Variants in DLG2 observed in about 807,000 individuals in gnomAD.
The protein encoded by DLG2 is disks large homolog 2.
A neutral mutation model predicts 132.5 loss-of-function variants in DLG2; 45 were observed. That is an observed-to-expected ratio of 0.34 (90% CI 0.27 to 0.44). The LOEUF (loss-of-function observed/expected upper bound fraction) is 0.44. Among genes scored for constraint, DLG2 ranks in the 20% least tolerant of loss-of-function variants. The pLI is 1.00. For synonymous variants in DLG2, 424 were observed against 419.6 expected (o/e 1.01, Z -0.13); for missense variants, 1,045 against 1,196.9 (o/e 0.87, Z 1.87).
At chr11:85,389,301 A>G (rs1269722792) in intron 3 of DLG2, among the ~76,000 whole-genome samples, 1 of 152,170 alleles carries the variant, frequency 6.6e-6, no homozygotes, top group African/African-American at 2.4e-5. Flanking sequence ...CAATCCAACA[A>G]CAACAAAGAA....
chr11:84,941,470 T>A (rs896996752), intron 6 of DLG2, among the ~76,000 whole-genome samples: 3 of 152,140 alleles, frequency 2.0e-5, no homozygotes, highest in Non-Finnish European at 2.9e-5. Flanking sequence ...TTTTTCAGCA[T>A]CAATTAAAAG....
intron 6 of DLG2, among the ~76,000 whole-genome samples, chr11:84,833,624 G>GAA (rs994795140): frequency 1.4e-5 from 2 of 146,338 alleles, no homozygotes; most frequent in Admixed American, 6.8e-5. Flanking sequence ...ACAGGGTGAT[G>GAA]AAAAAAAAAA....
intron 4 of DLG2, among the ~76,000 whole-genome samples, chr11:85,236,562 C>G (rs1382919820): frequency 6.6e-6 from 1 of 151,982 alleles, no homozygotes; most frequent in Non-Finnish European, 1.5e-5. Flanking sequence ...GGCCTTATCT[C>G]CAAATACGGT....
intron 3 of DLG2, among the ~76,000 whole-genome samples, chr11:85,366,109 G>A (rs1213928183): frequency 6.6e-6 from 1 of 152,054 alleles, no homozygotes; most frequent in Non-Finnish European, 1.5e-5. Flanking sequence ...GTTGAGGATG[G>A]GGGCAGTCCC....
intron 7 of DLG2, among the ~76,000 whole-genome samples, chr11:84,502,176 T>TTTCCCTCTCTCTCTC (rs1567802291): frequency 7.8e-5 from 2 of 25,582 alleles, no homozygotes; most frequent in Non-Finnish European, 1.8e-4. Context: ...CTCTCTCTCT[T>TTTCCCTCTCTCTCTC]TCTCTCTCTT....
In DLG2 at chr11:83,965,314, T is replaced by C. The variant is rs775260105; in HGVS notation, c.1201+10A>G. On this transcript the variant is annotated intron_variant, in intron 13 of 27. Transcript: ENST00000376104. ...CTGGCATGCTATTTGAAGATGACAA[T>C]GGTACTTACAGTGAGTAATATCAGG... The C allele has an allele frequency of 1.9e-6, 3 of 1,596,646 alleles. No homozygotes were observed. In the Admixed American group the frequency reaches 5.3e-5, roughly 28 times the overall value.
chr11:84,109,893 C>T (rs542785329), intron 9 of DLG2, among the ~76,000 whole-genome samples: 1 of 152,260 alleles, frequency 6.6e-6, no homozygotes, highest in Non-Finnish European at 1.5e-5. Context: ...TCCTTGACTC[C>T]TGCCTCCCCA....
intron 6 of DLG2, among the ~76,000 whole-genome samples, chr11:84,699,799 C>T (rs1178477075): frequency 6.6e-6 from 1 of 151,506 alleles, no homozygotes; most frequent in Non-Finnish European, 1.5e-5. Context: ...GGAAAAAGAG[C>T]TTCATATAGG....
rs12796559 is a variant in DLG2 at position 83,786,808 on chromosome 11, C to T, written c.1723-16G>A. 0.021 allele frequency: 33,195 copies of T among 1,611,316 alleles called. 512 individuals are homozygous for T. Among genetic ancestry groups the T allele is most frequent in the South Asian group, 0.046 (4,150 of 90,964 alleles). ...TGCCATTCACCTGAAAGAGAGGAAG[C>T]CAGAGAATCTTGGTATTTCATAAGG... On this transcript the variant is annotated splice_polypyrimidine_tract_variant and intron_variant, in intron 17 of 27. Coordinates refer to ENST00000376104, the MANE Select transcript of DLG2 (RefSeq NM_001142699.3).
intron 3 of DLG2, among the ~76,000 whole-genome samples, chr11:85,493,464 T>C (rs1201175353): frequency 6.6e-6 from 1 of 152,202 alleles, no homozygotes; most frequent in Non-Finnish European, 1.5e-5. Flanking sequence ...CTTAGTATGC[T>C]TGTTTGCTAG....
intron 15 of DLG2, among the ~76,000 whole-genome samples, chr11:83,890,045 G>T (rs1005248980): frequency 1.6e-4 from 24 of 151,926 alleles, no homozygotes; most frequent in African/African-American, 5.6e-4. Context: ...TACCAGCATG[G>T]CACATGTATA....
intron 4 of DLG2, among the ~76,000 whole-genome samples, chr11:85,252,241 C>T (rs950846771): frequency 1.6e-4 from 24 of 152,056 alleles, no homozygotes; most frequent in Admixed American, 3.3e-4. Context: ...GAATCAACGG[C>T]GTAAGATAGA....
chr11:83,660,850 C>G (rs1459392125), intron 18 of DLG2, among the ~76,000 whole-genome samples: 1 of 152,044 alleles, frequency 6.6e-6, no homozygotes, highest in Non-Finnish European at 1.5e-5. Context: ...CTCCCTCCTT[C>G]TGTCCCTCAT....
At chr11:85,177,312 C>A (rs913227465) in intron 4 of DLG2, among the ~76,000 whole-genome samples, 4 of 150,644 alleles carry the variant, frequency 2.7e-5, no homozygotes, top group African/African-American at 9.8e-5. Flanking sequence ...CACACACATA[C>A]ATACATACCA....
At chr11:84,644,875 C>G (rs2099672707) in intron 6 of DLG2, among the ~76,000 whole-genome samples, 1 of 152,028 alleles carries the variant, frequency 6.6e-6, no homozygotes, top group Admixed American at 6.6e-5. Context: ...AAAGGCCTCT[C>G]CCTCATCCTC....
chr11:84,032,105 C>T (rs1309307325), intron 11 of DLG2, among the ~76,000 whole-genome samples: 1 of 152,132 alleles, frequency 6.6e-6, no homozygotes, highest in Non-Finnish European at 1.5e-5. Flanking sequence ...CCCTATTCCC[C>T]AAGACCCCGA....
At chr11:83,731,304 C>T (rs1483388958) in intron 18 of DLG2, among the ~76,000 whole-genome samples, 1 of 152,182 alleles carries the variant, frequency 6.6e-6, no homozygotes, top group Non-Finnish European at 1.5e-5. Flanking sequence ...CAGCCCCTGA[C>T]TGGCCCTGGT....
chr11:84,780,394 C>T (rs575062013), intron 6 of DLG2, among the ~76,000 whole-genome samples: 1 of 151,854 alleles, frequency 6.6e-6, no homozygotes, highest in East Asian at 1.9e-4. Flanking sequence ...AAATATAGGC[C>T]ATATATAATA....
At chr11:83,888,584 G>T (rs2154082998) in intron 15 of DLG2, among the ~76,000 whole-genome samples, 1 of 152,248 alleles carries the variant, frequency 6.6e-6, no homozygotes, top group Admixed American at 6.5e-5. Context: ...TTTCTTCACA[G>T]AATTGGAAAA....
Sources: gnomAD v4.1 joint callset for allele counts (sites outside exome capture counted in the v4.1 genomes callset) on GRCh38, gnomAD v4.1.1 for gene constraint, MANE v1.5 for transcripts, NCBI Gene and HGNC (gene_info 2026-07-23, HGNC 2026-07-21) for gene names.